Variants in CALCRL observed in about 807,000 individuals in gnomAD.
The protein encoded by CALCRL is calcitonin receptor like receptor, also known as calcitonin gene-related peptide type 1 receptor.
CALCRL carries 27 observed loss-of-function variants against 60.4 expected under a neutral mutation model. That is an observed-to-expected ratio of 0.45 (90% CI 0.33 to 0.62). The LOEUF is 0.62. Among genes scored for constraint, CALCRL ranks in the 20% least tolerant of loss-of-function variants. CALCRL has a pLI of 0.03. For synonymous variants in CALCRL, 190 were observed against 182.6 expected, an observed-to-expected ratio of 1.04 and a Z score of -0.33; for missense variants, 424 against 540.7, an observed-to-expected ratio of 0.78 and a Z score of 2.14.
intron 1 of CALCRL, among the ~76,000 whole-genome samples, chr2:187,437,673 G>C (rs1690709259): frequency 1.3e-5 from 2 of 152,010 alleles, no homozygotes; most frequent in African/African-American, 4.8e-5. Context: ...TTTATGTTTT[G>C]TAATAATAAC....
intron 14 of CALCRL, 52 bp downstream of exon 14, chr2:187,351,868 T>C (rs938045093): frequency 7.3e-6 from 8 of 1,097,162 alleles, no homozygotes; most frequent in Admixed American, 4.1e-5. Flanking sequence ...CATGGATAGA[T>C]AGACAGATAG....
At chr2:187,382,222 T>C (rs566650933) in intron 5 of CALCRL, among the ~76,000 whole-genome samples, 12 of 152,284 alleles carry the variant, frequency 7.9e-5, no homozygotes, top group Middle Eastern at 3.4e-3. Context: ...GTTTCTCTGG[T>C]CAAATGGATT....
At chr2:187,414,887 TTTAA>T (rs1331743223) in intron 1 of CALCRL, among the ~76,000 whole-genome samples, 797 of 3,954 alleles carry the variant, frequency 0.2, 5 homozygotes, top group African/African-American at 0.23. Flanking sequence ...TTTTTTTTTT[TTTAA>T]AAAAAAAAAG....
At chr2:187,368,382 A>G (rs1687385723) in intron 8 of CALCRL, among the ~76,000 whole-genome samples, 1 of 152,108 alleles carries the variant, frequency 6.6e-6, no homozygotes, top group African/African-American at 2.4e-5. Flanking sequence ...AAGTAACTCA[A>G]TCAAACAGAA....
At chr2:187,437,731 G>C (rs1690713633) in intron 1 of CALCRL, among the ~76,000 whole-genome samples, 1 of 152,126 alleles carries the variant, frequency 6.6e-6, no homozygotes, top group South Asian at 2.1e-4. Context: ...AATAAAGTCA[G>C]AAAGTTTAGG....
chr2:187,379,709 T>C (rs556908823), intron 7 of CALCRL, among the ~76,000 whole-genome samples: 61 of 152,326 alleles, frequency 4.0e-4, no homozygotes, highest in South Asian at 8.3e-4. Flanking sequence ...TACTATATGC[T>C]AATCTTTTAA....
At chr2:187,367,688 A>G (rs1329963801) in intron 8 of CALCRL, among the ~76,000 whole-genome samples, 1 of 152,106 alleles carries the variant, frequency 6.6e-6, no homozygotes. Context: ...AAAATAGTGA[A>G]AGCAATTATC....
chr2:187,412,563 A>G (rs931082213), intron 1 of CALCRL, among the ~76,000 whole-genome samples: 2 of 152,206 alleles, frequency 1.3e-5, no homozygotes, highest in Admixed American at 6.5e-5. Flanking sequence ...TTATTGTATT[A>G]AGCAGATCTT....
At chr2:187,397,021 A>C (rs1688685083) in intron 1 of CALCRL, among the ~76,000 whole-genome samples, 1 of 151,700 alleles carries the variant, frequency 6.6e-6, no homozygotes, top group African/African-American at 2.4e-5. Context: ...AAATTAAACA[A>C]CTTCTTTAAG....
At chr2:187,425,454 T>G (rs1328832992) in intron 1 of CALCRL, among the ~76,000 whole-genome samples, 1 of 151,930 alleles carries the variant, frequency 6.6e-6, no homozygotes, top group Non-Finnish European at 1.5e-5. Context: ...TTGAAAGTCT[T>G]ATATTTATTT....
At chr2:187,417,176 A>G (rs1349686039) in intron 1 of CALCRL, among the ~76,000 whole-genome samples, 1 of 152,126 alleles carries the variant, frequency 6.6e-6, no homozygotes, top group Non-Finnish European at 1.5e-5. Flanking sequence ...AACGTTTTTC[A>G]AAACTAATAT....
chr2:187,360,545 T>TCC, intron 10 of CALCRL, 53 bp downstream of exon 10: 1 of 1,484,736 alleles, frequency 6.7e-7, no homozygotes, highest in East Asian at 2.3e-5. Flanking sequence ...CCTGGCATCC[T>TCC]CCAAAGGCTT....
intron 10 of CALCRL, among the ~76,000 whole-genome samples, chr2:187,359,862 G>C (rs1686972769): frequency 1.3e-5 from 2 of 152,004 alleles, no homozygotes; most frequent in Non-Finnish European, 2.9e-5. Context: ...GTGCGTGTGT[G>C]TGTATATATA....
intron 8 of CALCRL, among the ~76,000 whole-genome samples, chr2:187,364,849 G>C (rs995499293): frequency 4.6e-5 from 7 of 152,062 alleles, no homozygotes; most frequent in Non-Finnish European, 1.0e-4. Flanking sequence ...GATGGCTCTT[G>C]GAATGATTGC....
At chr2:187,349,831 T>C (rs987619884) in intron 14 of CALCRL, among the ~76,000 whole-genome samples, 3 of 151,680 alleles carry the variant, frequency 2.0e-5, no homozygotes, top group African/African-American at 7.3e-5. Flanking sequence ...AAGAGCCAAT[T>C]TGGGATTTTG....
At chr2:187,372,287 A>T (rs1687561757) in intron 8 of CALCRL, among the ~76,000 whole-genome samples, 1 of 151,750 alleles carries the variant, frequency 6.6e-6, no homozygotes, top group South Asian at 2.1e-4. Context: ...GGTAATTAAA[A>T]TATAATTTGT....
chr2:187,439,061 A>G (rs533588054), intron 1 of CALCRL, among the ~76,000 whole-genome samples: 1 of 152,340 alleles, frequency 6.6e-6, no homozygotes, highest in Non-Finnish European at 1.5e-5. Flanking sequence ...TTAAATATTT[A>G]GTAAACAGTT....
intron 8 of CALCRL, among the ~76,000 whole-genome samples, chr2:187,372,318 A>AT (rs35705097): frequency 0.48 from 71,622 of 147,782 alleles, 17,328 homozygotes; most frequent in East Asian, 0.6. Context: ...AGTAGAGTTT[A>AT]TTTTTTTTTT....
At chr2:187,382,698 A>G (rs1024952210) in intron 5 of CALCRL, among the ~76,000 whole-genome samples, 26 of 152,164 alleles carry the variant, frequency 1.7e-4, no homozygotes, top group Non-Finnish European at 4.4e-5. Flanking sequence ...AAGCAAAAGA[A>G]TATCTTAATG....
Sources: gnomAD v4.1 joint callset for allele counts (sites outside exome capture counted in the v4.1 genomes callset) on GRCh38, gnomAD v4.1.1 for gene constraint, MANE v1.5 for transcripts, NCBI Gene and HGNC (gene_info 2026-07-23, HGNC 2026-07-21) for gene names.